Variants in BACH2 observed in about 807,000 individuals in gnomAD.
BACH2 encodes the protein BACH transcriptional regulator 2, also known as transcription regulator protein BACH2.
A neutral mutation model predicts 61.8 loss-of-function variants in BACH2; 5 were observed. The ratio of observed to expected loss-of-function variants is 0.08; its 90% confidence interval spans 0.04 to 0.17. BACH2 has a LOEUF of 0.17. BACH2 is among the 10% of genes least tolerant of loss of function. BACH2 has a pLI of 1.00. For synonymous variants in BACH2, 446 were observed against 440.1 expected (o/e 1.01, Z -0.17); for missense variants, 824 against 1,091.1 (o/e 0.76, Z 3.45).
intron 3 of BACH2, among the ~76,000 whole-genome samples, chr6:90,227,243 A>G (rs1412551893): frequency 6.6e-6 from 1 of 152,218 alleles, no homozygotes; most frequent in Non-Finnish European, 1.5e-5. Context: ...AGTGTTTGCA[A>G]CTACCAGGAG....
chr6:90,196,447 C>A (rs1768760334), intron 4 of BACH2, among the ~76,000 whole-genome samples: 1 of 152,158 alleles, frequency 6.6e-6, no homozygotes, highest in African/African-American at 2.4e-5. Context: ...AATGAAACAG[C>A]ATCAGTCTTT....
At chr6:90,164,636 T>C (rs951973852) in intron 4 of BACH2, among the ~76,000 whole-genome samples, 1 of 152,136 alleles carries the variant, frequency 6.6e-6, no homozygotes, top group African/African-American at 2.4e-5. Flanking sequence ...ACCAATATCC[T>C]TGATGAACAT....
chr6:90,145,867 T>G (rs767513180), intron 4 of BACH2, among the ~76,000 whole-genome samples: 1 of 152,180 alleles, frequency 6.6e-6, no homozygotes, highest in Non-Finnish European at 1.5e-5. Flanking sequence ...AGAAGGCAGC[T>G]GGGGAGAAAC....
At position 90,222,360 on chromosome 6, in the gene BACH2, A is replaced by G. The variant is rs114867670; in HGVS notation, c.-274-15679T>C. 9.0e-3 allele frequency among the ~76,000 whole-genome samples: 1,372 copies of G among 152,332 alleles called. 17 individuals carry two copies. Among genetic ancestry groups the G allele is most frequent in the African/African-American group, 0.031 (1,278 of 41,568 alleles). On this transcript the variant is annotated intron_variant, in intron 3 of 8. Coordinates refer to ENST00000257749, the MANE Select transcript of BACH2 (RefSeq NM_021813.4). ...AGAAGGCTTCTGAGGTGGCTTCCACAGTCCATGCAAGGGACACAGAGAAGA... is the reference window on the plus strand; with the variant it reads ...AGAAGGCTTCTGAGGTGGCTTCCACGGTCCATGCAAGGGACACAGAGAAGA...
intron 6 of BACH2, among the ~76,000 whole-genome samples, chr6:89,956,550 C>T (rs961717241): frequency 2.0e-5 from 3 of 152,170 alleles, no homozygotes; most frequent in East Asian, 1.9e-4. Context: ...GGAAGATGGG[C>T]TGATGAAAAC....
intron 3 of BACH2, among the ~76,000 whole-genome samples, chr6:90,237,296 C>G (rs919975623): frequency 6.6e-6 from 1 of 152,112 alleles, no homozygotes; most frequent in African/African-American, 2.4e-5. Flanking sequence ...ATAGTCATCC[C>G]TCCTCAACAA....
intron 1 of BACH2, among the ~76,000 whole-genome samples, chr6:90,293,521 A>G (rs543363536): frequency 1.8e-4 from 27 of 152,368 alleles, no homozygotes; most frequent in South Asian, 4.1e-4. Flanking sequence ...GCGCTAATGA[A>G]TAACTAAGTC....
intron 7 of BACH2, among the ~76,000 whole-genome samples, chr6:89,945,088 A>G (rs1288734529): frequency 1.3e-5 from 2 of 152,254 alleles, no homozygotes; most frequent in Non-Finnish European, 2.9e-5. Flanking sequence ...TTGAAATGGT[A>G]TAGCCACTTT....
chr6:90,007,462 T>C (rs1262057499), intron 6 of BACH2, among the ~76,000 whole-genome samples: 2 of 152,216 alleles, frequency 1.3e-5, no homozygotes, highest in African/African-American at 2.4e-5. Context: ...CTACTGCACC[T>C]GGCTTCTTGT....
chr6:90,198,217 G>C (rs1768828630), intron 4 of BACH2, among the ~76,000 whole-genome samples: 1 of 152,158 alleles, frequency 6.6e-6, no homozygotes, highest in Admixed American at 6.5e-5. Flanking sequence ...TCATCCTCAG[G>C]CTTGTACCCA....
chr6:89,982,632 G>A (rs1212162176), intron 6 of BACH2, among the ~76,000 whole-genome samples: 1 of 152,150 alleles, frequency 6.6e-6, no homozygotes, highest in African/African-American at 2.4e-5. Context: ...TCCAGCTTGT[G>A]TGTACCATAA....
chr6:90,265,298 T>C (rs1474948592), intron 2 of BACH2, among the ~76,000 whole-genome samples: 2 of 151,524 alleles, frequency 1.3e-5, no homozygotes, highest in Non-Finnish European at 3.0e-5. Flanking sequence ...ATAGAATTTC[T>C]AAATAACAGC....
At chr6:89,941,326 C>T (rs1773416489) in intron 7 of BACH2, among the ~76,000 whole-genome samples, 1 of 152,184 alleles carries the variant, frequency 6.6e-6, no homozygotes, top group East Asian at 1.9e-4. Context: ...TCCATCACAG[C>T]TCCGAGCTTG....
At position 90,032,857 on chromosome 6, in the gene BACH2, G is replaced by A. The variant is rs183828170; in HGVS notation, c.-12-24001C>T. On this transcript the variant is annotated intron_variant, in intron 5 of 8. Transcript: ENST00000257749. ...TTTGACCCAGCAATTCCATTACTGG[G>A]TATATACCCGAAGGATTATAAATCA... Among the ~76,000 whole-genome samples, 468 of 152,200 alleles carry A rather than the reference G, an allele frequency of 3.1e-3. 1 individual carries two copies. Among genetic ancestry groups the A allele is most frequent in the Middle Eastern group, 0.017 (5 of 294 alleles).
At chr6:89,994,701 T>C (rs1307532461) in intron 6 of BACH2, among the ~76,000 whole-genome samples, 1 of 152,200 alleles carries the variant, frequency 6.6e-6, no homozygotes, top group Admixed American at 6.5e-5. Context: ...CAGAGTTTCA[T>C]TGTTCCAGTA....
chr6:90,075,745 T>G (rs1781447007), intron 5 of BACH2, among the ~76,000 whole-genome samples: 1 of 152,180 alleles, frequency 6.6e-6, no homozygotes, highest in African/African-American at 2.4e-5. Flanking sequence ...GAGATACTTC[T>G]CAGGTTTCTT....
intron 4 of BACH2, among the ~76,000 whole-genome samples, chr6:90,157,223 C>A (rs954282071): frequency 1.3e-5 from 2 of 152,194 alleles, no homozygotes; most frequent in Admixed American, 6.5e-5. Context: ...AAACACTTTT[C>A]GAAACATATG....
rs1374656230 is a variant in BACH2, at chr6:90,011,930, ATATGTGTGTGTGTGTG to A, written c.-12-3090_-12-3075del. Among the ~76,000 whole-genome samples the A allele has an allele frequency of 1.5e-3, 149 of 98,760 alleles. 1 individual carries two copies. Among genetic ancestry groups the A allele is most frequent in the African/African-American group, 3.6e-3 (116 of 31,938 alleles). 64.8% of individuals were successfully genotyped at this position (98,760 alleles called of 152,430 possible). On this transcript the variant is annotated intron_variant, in intron 5 of 8. Coordinates refer to ENST00000257749, the MANE Select transcript of BACH2 (RefSeq NM_021813.4). ...GCAAGACTCTGTCTCAAAAAAAAAA[ATATGTGTGTGTGTGTG>A]TGTGTGTGTGTGTGTGTGTGTGTGT...
In BACH2 at chr6:90,275,166, T is replaced by C. The variant is rs1208204741; in HGVS notation, c.-445-3225A>G. ...CAGAAATTCATGCAAGTCACATAAG[T>C]GGAGAGAAAACAGGAAAAAATTAAG... On this transcript the variant is annotated intron_variant, in intron 1 of 8. Coordinates refer to ENST00000257749, the MANE Select transcript of BACH2 (RefSeq NM_021813.4). 3.3e-5 allele frequency among the ~76,000 whole-genome samples: 5 copies of C among 152,210 alleles called. No homozygotes were observed. In the East Asian group the frequency reaches 5.8e-4, roughly 18 times the overall value.
Sources: allele counts gnomAD v4.1 joint callset (sites outside exome capture counted in the v4.1 genomes callset), GRCh38; gene constraint gnomAD v4.1.1; transcripts MANE v1.5; gene names NCBI Gene and HGNC (gene_info 2026-07-23, HGNC 2026-07-21).